GNB2: variants seen among roughly 807,000 people sequenced by gnomAD.
GNB2 encodes the protein G protein subunit beta 2.
A neutral mutation model predicts 40.7 loss-of-function variants in GNB2; 7 were observed. That is an observed-to-expected ratio of 0.17 (90% confidence interval 0.10 to 0.32). The LOEUF (loss-of-function observed/expected upper bound fraction) is 0.32, where lower values mean the gene tolerates loss of function less well. GNB2 is among the 10% of genes least tolerant of loss of function. The probability of loss-of-function intolerance (pLI) is 1.00; values close to 1 mark genes in which losing one functional copy is unlikely to be tolerated. For synonymous variants in GNB2, 254 were observed against 191.2 expected (o/e 1.33, Z -2.71); for missense variants, 286 against 473.0 (o/e 0.60, Z 3.67).
In GNB2 at chr7:100,678,161, G is replaced by A. The variant is rs755355032; in HGVS notation, c.561G>A (p.Val187=). The A allele has an allele frequency of 2.5e-6, 4 of 1,614,028 alleles. No individual in the cohort carries two copies. Among genetic ancestry groups the A allele is most frequent in the Admixed American group, 3.3e-5 (2 of 60,018 alleles). Residue 187 remains valine (V), a synonymous_variant, in exon 8 of 10, where the codon GTG becomes GTA. Transcript: ENST00000303210. ...TVGFAGHSGD[V]MSLSLAPDGR... ...GTTTTGCTGGACACAGTGGGGATGTGATGTCCCTGTCCCTGGCCCCCGATG... is the reference window on the plus strand; with the variant it reads ...GTTTTGCTGGACACAGTGGGGATGTAATGTCCCTGTCCCTGGCCCCCGATG...
rs953403367 is a variant in GNB2, at chr7:100,679,101, A to C, written c.*300A>C. The C allele has an allele frequency of 2.7e-6, 1 of 368,382 alleles. No individual in the cohort carries two copies. Among genetic ancestry groups the C allele is most frequent in the Non-Finnish European group, 4.9e-6 (1 of 204,444 alleles). The allele number at this position is 368,382 out of a possible 1,614,324, so 22.8% of individuals were successfully genotyped here. Reference sequence around the variant, plus strand: ...GAAACCCCAGGGGCTGGCTTTTTTAAAACTGGTTTTATTTTAATTTTTATT... The same window carrying C: ...GAAACCCCAGGGGCTGGCTTTTTTACAACTGGTTTTATTTTAATTTTTATT... On this transcript the variant is annotated 3_prime_UTR_variant, in exon 10 of 10. Transcript: ENST00000303210.
intron 1 of GNB2, 117 bp from the exon 2 acceptor site, chr7:100,676,060 G>A (rs895466125): frequency 2.0e-6 from 1 of 499,254 alleles, no homozygotes; most frequent in Non-Finnish European, 3.5e-6. Flanking sequence ...CGGGGACGGC[G>A]GCCGCGCCGC....
At chr7:100,676,850 G>C (rs144815932) in intron 4 of GNB2, 51 bp downstream of exon 4, 1 of 1,074,942 alleles carries the variant, frequency 9.3e-7, no homozygotes, top group African/African-American at 1.6e-5. Context: ...CTAGCAGGCC[G>C]TGGGAGCAGC....
rs371862435 is a variant in GNB2 at position 100,678,750 on chromosome 7, C to T, written c.972C>T (p.Gly324=). 13 of 1,613,722 alleles carry T rather than the reference C, an allele frequency of 8.1e-6. No homozygotes were observed. The East Asian group carries it at 2.2e-4, about 28-fold the overall frequency. ...GCTGCCTCGGGGTCACCGACGATGG[C>T]ATGGCTGTGGCCACGGGCTCCTGGG... ...RVSCLGVTDD[G]MAVATGSWDS... is the part of the protein sequence containing the mutation. The change falls in exon 10 of 10, where the codon GGC becomes GGT. Residue 324 remains glycine, a synonymous_variant. Coordinates refer to ENST00000303210, the MANE Select transcript of GNB2 (RefSeq NM_005273.4).
intron 3 of GNB2, 60 bp downstream of exon 3, chr7:100,676,633 G>A (rs1231081953): frequency 4.2e-5 from 64 of 1,527,098 alleles, no homozygotes; most frequent in Admixed American, 2.0e-4. Context: ...ATCAGAGGCC[G>A]CTGCCCTCTG....
intron 1 of GNB2, chr7:100,675,623 G>A (rs1804331366): frequency 6.6e-6 from 1 of 152,436 alleles, no homozygotes; most frequent in Non-Finnish European, 1.5e-5. Context: ...CGGGGCTAGG[G>A]TGGGGGCATT....
At position 100,678,881 on chromosome 7, in the gene GNB2, C is replaced by A; in HGVS notation, c.*80C>A. 2 of 1,104,470 alleles carry A rather than the reference C, an allele frequency of 1.8e-6. No individual in the cohort carries two copies. The highest frequency in any genetic ancestry group is 2.7e-6 in the Non-Finnish European group (2 of 744,614). The allele number at this position is 1,104,470 out of a possible 1,614,324, so 68.4% of individuals were successfully genotyped here. On this transcript the variant is annotated 3_prime_UTR_variant, in exon 10 of 10. Coordinates refer to ENST00000303210, the MANE Select transcript of GNB2 (RefSeq NM_005273.4). The stretch of plus-strand genomic sequence containing the variant: ...ACAGGCCAGGGCTGCGGGGCTGGCG[C>A]AATCCCAGCCCCCTTCCCCGGGCCA...
chr7:100,677,471 G>A, intron 5 of GNB2, 27 bp from the exon 6 acceptor site: 1 of 1,613,052 alleles, frequency 6.2e-7, no homozygotes, highest in Non-Finnish European at 8.5e-7. Context: ...GGCTGGCTCT[G>A]ACCCCGGCGC....
rs768442792 is a variant in GNB2, at chr7:100,676,978, T to C, written c.203+179T>C. ...GCAGGACCATGCTGGTGAGAACTTG[T>C]GGGCTGCAGCTGGAGACTGTCTCTC... On this transcript the variant is annotated intron_variant, in intron 4 of 9. Coordinates refer to ENST00000303210, the MANE Select transcript of GNB2 (RefSeq NM_005273.4). 1.5e-4 allele frequency: 88 copies of C among 600,820 alleles called. 1 individual carries two copies. In the Middle Eastern group the frequency reaches 2.2e-3, roughly 15 times the overall value. The allele number at this position is 600,820 out of a possible 1,614,324, so 37.2% of individuals were successfully genotyped here. A position where few individuals can be genotyped will look rare whatever the true frequency, so the allele number is the denominator to read the frequency against.
chr7:100,676,238 C>T lies in GNB2; in HGVS notation c.-28C>T. On this transcript the variant is annotated 5_prime_UTR_variant, in exon 2 of 10. Transcript: ENST00000303210. ...CCCCGTCCCGCGGCCCCCAGCCGCC[C>T]CCAACCCTGCCCCACGGGCCCGGCG... 5 of 1,553,380 alleles carry T rather than the reference C, an allele frequency of 3.2e-6. No individual in the cohort carries two copies. The highest frequency in any genetic ancestry group is 4.4e-6 in the Non-Finnish European group (5 of 1,141,162).
chr7:100,677,936 A>G, intron 7 of GNB2, 118 bp downstream of exon 7: 1 of 1,049,314 alleles, frequency 9.5e-7, no homozygotes, highest in Non-Finnish European at 1.4e-6. Flanking sequence ...GGTGGGCGCT[A>G]AGGGGGTCAG....
chr7:100,676,826 T>C lies in GNB2; in HGVS notation c.203+27T>C, dbSNP rs370524169. 9 of 1,354,250 alleles carry C rather than the reference T, an allele frequency of 6.6e-6. No homozygotes were observed. The African/African-American group carries it at 1.2e-4, about 17-fold the overall frequency. 83.9% of individuals were successfully genotyped at this position (1,354,250 alleles called of 1,614,324 possible). Reference sequence around the variant, plus strand: ...TGTGTGTGTGTGCGCGGGCTGGCGCTGTGGGCCGACTTTCTAGCAGGCCGT... The same window carrying C: ...TGTGTGTGTGTGCGCGGGCTGGCGCCGTGGGCCGACTTTCTAGCAGGCCGT... On this transcript the variant is annotated intron_variant, in intron 4 of 9. Coordinates refer to ENST00000303210, the MANE Select transcript of GNB2 (RefSeq NM_005273.4).
intron 1 of GNB2, 92 bp downstream of exon 1, chr7:100,674,015 C>T (rs974973751): frequency 6.5e-6 from 1 of 154,352 alleles, no homozygotes. Flanking sequence ...GGGCTGGCCT[C>T]CTGGGAGCGG....
chr7:100,674,839 G>A (rs1238006875), intron 1 of GNB2, among the ~76,000 whole-genome samples: 1 of 152,240 alleles, frequency 6.6e-6, no homozygotes, highest in East Asian at 1.9e-4. Flanking sequence ...GGTGCCGCCA[G>A]GCCTGGGCTG....
chr7:100,676,483 C>T (rs1423351282), intron 2 of GNB2, 52 bp from the exon 3 acceptor site: 12 of 1,508,112 alleles, frequency 8.0e-6, no homozygotes, highest in African/African-American at 6.9e-5. Flanking sequence ...CTCTCCCTTT[C>T]CTCCCCAACC....
At position 100,678,554 on chromosome 7, in the gene GNB2, C is replaced by T. The variant is rs1804415406; in HGVS notation, c.856C>T (p.Leu286Phe). Reference sequence around the variant, plus strand: ...CTTCTCGCGCAGCGGACGGCTGCTGCTCGCTGGCTACGACGACTTCAACTG... The same window carrying T: ...CTTCTCGCGCAGCGGACGGCTGCTGTTCGCTGGCTACGACGACTTCAACTG... ...VAFSRSGRLL[L>F]AGYDDFNCNI... The change falls in exon 9 of 10, where the codon CTC (leucine) becomes TTC (phenylalanine). Residue 286 changes from leucine to phenylalanine, a missense_variant. Transcript: ENST00000303210. 3 of 1,613,904 alleles carry T rather than the reference C, an allele frequency of 1.9e-6. No individual in the cohort carries two copies. Among genetic ancestry groups the T allele is most frequent in the South Asian group, 2.2e-5 (2 of 91,090 alleles).
In GNB2 at chr7:100,673,910, T is replaced by A. The variant is rs1479454511; in HGVS notation, c.-103T>A. ...ACCGCCAGCGACCTCCGCCGCAGAG[T>A]CCCACCGCCACAGGTACCTTCGCTG... is the stretch of plus-strand genomic sequence containing the variant. On this transcript the variant is annotated 5_prime_UTR_variant, in exon 1 of 10. Transcript: ENST00000303210. 5.8e-6 allele frequency: 1 copy of A among 173,790 alleles called. No homozygotes were observed. Among genetic ancestry groups the A allele is most frequent in the Non-Finnish European group, 1.2e-5 (1 of 85,252 alleles). 10.8% of individuals were successfully genotyped at this position (173,790 alleles called of 1,614,324 possible).
chr7:100,678,503 A>G lies in GNB2; in HGVS notation c.805A>G (p.Ile269Val). 1.9e-6 allele frequency: 3 copies of G among 1,613,786 alleles called. No homozygotes were observed. The highest frequency in any genetic ancestry group is 2.5e-6 in the Non-Finnish European group (3 of 1,179,910). ...GCTCCTCATGTACTCCCATGACAAC[A>G]TCATCTGTGGCATCACCTCTGTTGC... ...QELLMYSHDN[I>V]ICGITSVAFS... Residue 269 changes from isoleucine (I) to valine (V), a missense_variant, in exon 9 of 10, where the codon ATC becomes GTC. By Grantham distance (29) the Ile-to-Val change is conservative. Coordinates refer to ENST00000303210, the MANE Select transcript of GNB2 (RefSeq NM_005273.4).
chr7:100,679,093 C>CTT lies in GNB2; in HGVS notation c.*297_*298dup, dbSNP rs1562859625. ...AGGAGGTGGAAACCCCAGGGGCTGG[C>CTT]TTTTTTAAAACTGGTTTTATTTTAA... is the stretch of plus-strand genomic sequence containing the variant. On this transcript the variant is annotated 3_prime_UTR_variant, in exon 10 of 10. Coordinates refer to ENST00000303210, the MANE Select transcript of GNB2 (RefSeq NM_005273.4). 1 of 393,450 alleles carries CTT rather than the reference C, an allele frequency of 2.5e-6. No homozygotes were observed. Among genetic ancestry groups the CTT allele is most frequent in the African/African-American group, 2.1e-5 (1 of 48,486 alleles). 24.4% of individuals were successfully genotyped at this position (393,450 alleles called of 1,614,324 possible). A position where few individuals can be genotyped will look rare whatever the true frequency, so the allele number is the denominator to read the frequency against.
Sources: allele counts gnomAD v4.1 joint callset (sites outside exome capture counted in the v4.1 genomes callset), GRCh38; gene constraint gnomAD v4.1.1; transcripts MANE v1.5; gene names NCBI Gene and HGNC (gene_info 2026-07-23, HGNC 2026-07-21).